Variants in ITPKB observed in about 807,000 individuals in gnomAD.
ITPKB encodes the protein inositol-trisphosphate 3-kinase B.
Under a neutral mutation model 69.4 loss-of-function variants are expected in ITPKB, and 13 were observed. The ratio of observed to expected loss-of-function variants is 0.19; its 90% CI spans 0.12 to 0.30. The LOEUF (loss-of-function observed/expected upper bound fraction) is 0.30. Ranked by LOEUF, ITPKB falls within the 10% of genes least tolerant of loss-of-function variation. The pLI, the probability that ITPKB is intolerant of heterozygous loss-of-function variation, is 1.00. For synonymous variants in ITPKB, 584 were observed against 513.7 expected (o/e 1.14, Z -1.85); for missense variants, 1,240 against 1,250.5 (o/e 0.99, Z 0.13).
chr1:226,637,473 G>A lies in ITPKB; in HGVS notation c.2625+206C>T, dbSNP rs1668862456. On this transcript the variant is annotated intron_variant, in intron 7 of 7. Coordinates refer to ENST00000429204, the MANE Select transcript of ITPKB (RefSeq NM_002221.4). This position sits in a 1 kb window ranked among gnomAD's most constrained non-coding sequence, Gnocchi z 4.3. The stretch of plus-strand genomic sequence containing the variant: ...GGAGGAGAAAGGGGGCAATAGCCAG[G>A]GGTCTCAGGCAGGACAGCCCGTGTG... 6.6e-6 allele frequency among the ~76,000 whole-genome samples: 1 copy of A among 152,206 alleles called. No homozygotes were observed. The highest frequency in any genetic ancestry group is 6.5e-5 in the Admixed American group (1 of 15,282).
chr1:226,707,615 A>G (rs1656834528), intron 2 of ITPKB: 1 of 988,848 alleles, frequency 1.0e-6, no homozygotes. Context: ...CTCAATGGGG[A>G]TAAATAGGCA....
intron 3 of ITPKB, 71 bp from the exon 4 acceptor site, chr1:226,647,451 A>G: frequency 8.7e-7 from 1 of 1,153,868 alleles, no homozygotes; most frequent in South Asian, 1.3e-5. Context: ...TCCCCAGCAC[A>G]GGGTCTGGGC....
At chr1:226,655,030 G>A (rs906245780) in intron 2 of ITPKB, among the ~76,000 whole-genome samples, 3 of 151,034 alleles carry the variant, frequency 2.0e-5, no homozygotes, top group African/African-American at 4.9e-5. Context: ...GGAGGAGGAA[G>A]AGGACAGGGA....
At chr1:226,638,271 G>C (rs1668880787) in intron 6 of ITPKB, among the ~76,000 whole-genome samples, 2 of 152,214 alleles carry the variant, frequency 1.3e-5, no homozygotes, top group South Asian at 4.1e-4. Context: ...CCCCTGCAAG[G>C]GACTCAGGAA....
intron 2 of ITPKB, among the ~76,000 whole-genome samples, chr1:226,696,699 C>T (rs534482854): frequency 2.6e-4 from 40 of 152,292 alleles, no homozygotes; most frequent in Non-Finnish European, 4.0e-4. Context: ...TACGCACACG[C>T]GCACACACAC....
chr1:226,718,407 G>A (rs1372444097), intron 2 of ITPKB, among the ~76,000 whole-genome samples: 1 of 151,886 alleles, frequency 6.6e-6, no homozygotes, highest in Admixed American at 6.6e-5. Context: ...CAGCCTTGGC[G>A]ACACAGCAAG....
intron 2 of ITPKB, among the ~76,000 whole-genome samples, chr1:226,714,023 G>A (rs569799227): frequency 6.6e-6 from 1 of 152,250 alleles, no homozygotes; most frequent in Non-Finnish European, 1.5e-5. Flanking sequence ...GCCAAGCTAG[G>A]AGGCTCTCAG....
rs1484213148 is a variant in ITPKB, at chr1:226,648,742, C to T, written c.1962G>A (p.Met654Ile). ...ACATGACGAAGGGAGACCAGTGCAC[C>T]ATGTTTTTTATCTTCCTCCATGATT... Reference protein sequence around the residue: ...VSKSWRKIKNMVHWSPFVMSF... With the variant: ...VSKSWRKIKNIVHWSPFVMSF... Residue 654 changes from methionine to isoleucine, a missense_variant, in exon 3 of 8, where the codon ATG (methionine) becomes ATA (isoleucine). By Grantham distance (10) the Met-to-Ile change is conservative. Around this residue, in one of 2 missense-constraint regions of ITPKB, gnomAD observed 248 missense variants for 396.7 expected, o/e 0.63. Transcript: ENST00000429204. 6.2e-7 allele frequency: 1 copy of T among 1,612,324 alleles called. No individual in the cohort carries two copies. The highest frequency in any genetic ancestry group is 8.5e-7 in the Non-Finnish European group (1 of 1,178,294).
At chr1:226,665,205 C>T (rs1669474144) in intron 2 of ITPKB, among the ~76,000 whole-genome samples, 2 of 152,244 alleles carry the variant, frequency 1.3e-5, no homozygotes, top group South Asian at 2.1e-4. Context: ...ATGGGACCTT[C>T]TCTTCCCCTG....
chr1:226,649,446 T>C (rs1359663083), intron 2 of ITPKB, among the ~76,000 whole-genome samples: 2 of 142,898 alleles, frequency 1.4e-5, no homozygotes, highest in South Asian at 2.2e-4. Context: ...TGTGTGCGTG[T>C]GTGTGCATGT....
At position 226,736,054 on chromosome 1, in the gene ITPKB, C is replaced by T. The variant is rs769103833; in HGVS notation, c.1405G>A (p.Gly469Arg). The change falls in exon 2 of 8, where the codon GGA becomes AGA. Residue 469 changes from glycine to arginine, a missense_variant. Transcript: ENST00000429204. ...TCCAGCATTCTGCCAGAAGGAATTC[C>T]CGCCTCCACATTCCCGGTCCCCGGC... Reference protein sequence around the residue: ...AQPGTGNVEAGIPSGRMLEPL... With the variant: ...AQPGTGNVEARIPSGRMLEPL... 24 of 1,613,452 alleles carry T rather than the reference C, an allele frequency of 1.5e-5. No homozygotes were observed. The East Asian group carries it at 4.9e-4, about 33-fold the overall frequency.
At chr1:226,711,633 G>A (rs967955963) in intron 2 of ITPKB, among the ~76,000 whole-genome samples, 4 of 152,236 alleles carry the variant, frequency 2.6e-5, no homozygotes, top group Middle Eastern at 3.4e-3. Context: ...AGGAACCAAC[G>A]CTTAAATGGA....
At chr1:226,692,506 C>T (rs1309651759) in intron 2 of ITPKB, among the ~76,000 whole-genome samples, 1 of 152,236 alleles carries the variant, frequency 6.6e-6, no homozygotes, top group African/African-American at 2.4e-5. Flanking sequence ...CATTCCCATT[C>T]TGCAGCCCTG....
intron 2 of ITPKB, among the ~76,000 whole-genome samples, chr1:226,711,408 AGAGAGAG>A (rs1558092895): frequency 3.3e-4 from 25 of 75,574 alleles, no homozygotes; most frequent in Non-Finnish European, 5.3e-4. Flanking sequence ...GTTTTGAAAG[AGAGAGAG>A]AGAGAGAGAG....
At chr1:226,655,052 G>T (rs1443792027) in intron 2 of ITPKB, among the ~76,000 whole-genome samples, 1 of 149,222 alleles carries the variant, frequency 6.7e-6, no homozygotes, top group African/African-American at 2.5e-5. Context: ...GAGGAGAGAA[G>T]AAGGAAGAAG....
chr1:226,640,501 A>G (rs950617981), intron 5 of ITPKB, among the ~76,000 whole-genome samples: 5 of 152,148 alleles, frequency 3.3e-5, no homozygotes, highest in Admixed American at 2.6e-4. Context: ...AGTGCACCCC[A>G]GGCAGAGCCT....
rs531310691 is a variant in ITPKB, at chr1:226,686,582, C to T, written c.1933-37811G>A. Among the ~76,000 whole-genome samples, 44 of 152,310 alleles carry T rather than the reference C, an allele frequency of 2.9e-4. No homozygotes were observed. The South Asian group carries it at 8.7e-3, about 30-fold the overall frequency. On this transcript the variant is annotated intron_variant, in intron 2 of 7. Transcript: ENST00000429204. The stretch of plus-strand genomic sequence containing the variant: ...GGGGCCCTGAAACTGCGTCAGCGTG[C>T]GGTGTAACGTGCCCTCCATCCCAGC...
chr1:226,693,120 A>G (rs1656397029), intron 2 of ITPKB, among the ~76,000 whole-genome samples: 2 of 152,266 alleles, frequency 1.3e-5, no homozygotes, highest in African/African-American at 2.4e-5. Flanking sequence ...CCTTGAAGGT[A>G]GCACATTACA....
At chr1:226,654,604 A>T (rs941889769) in intron 2 of ITPKB, among the ~76,000 whole-genome samples, 82 of 152,228 alleles carry the variant, frequency 5.4e-4, no homozygotes, top group African/African-American at 1.4e-3. Flanking sequence ...CTTCCTGGGC[A>T]AGCAGTTACT....
Sources: allele counts gnomAD v4.1 joint callset (sites outside exome capture counted in the v4.1 genomes callset), GRCh38; gene constraint gnomAD v4.1.1; regional missense constraint gnomAD v4.1.1; non-coding constraint Gnocchi (gnomAD v3.1); transcripts MANE v1.5; gene names NCBI Gene and HGNC (gene_info 2026-07-23, HGNC 2026-07-21).